The following OAS1 variants were observed in gnomAD, a reference collection of about 807,000 sequenced individuals.
OAS1 encodes the protein 2'-5'-oligoadenylate synthase 1.
In OAS1, 24 loss-of-function variants were observed where a neutral mutation model predicts 38.5. The ratio of observed to expected loss-of-function variants is 0.62; its 90% CI spans 0.45 to 0.88. The LOEUF (loss-of-function observed/expected upper bound fraction) is 0.88. Among genes scored for constraint, OAS1 ranks in the 40% least tolerant of loss-of-function variants. The pLI, the probability that OAS1 is intolerant of heterozygous loss-of-function variation, is 0.00. For missense variants in OAS1, 482 were observed against 493.9 expected (o/e 0.98, Z 0.23); for synonymous variants, 169 against 193.9 (o/e 0.87, Z 1.07).
intron 6 of OAS1, among the ~76,000 whole-genome samples, chr12:112,925,459 G>C (rs2043552803): frequency 6.6e-6 from 1 of 152,168 alleles, no homozygotes. Context: ...CTCAAATCCT[G>C]CTTCTGAATC....
intron 6 of OAS1, among the ~76,000 whole-genome samples, chr12:112,926,828 G>A (rs4766667): frequency 0.74 from 113,209 of 152,170 alleles, 43,415 homozygotes; most frequent in African/African-American, 0.94. Flanking sequence ...AGACCAGGGC[G>A]TGTTTCATCC....
intron 4 of OAS1, 177 bp downstream of exon 4, chr12:112,916,915 C>T (rs377130170): frequency 6.7e-6 from 4 of 598,242 alleles, no homozygotes. Flanking sequence ...ACCTCCAACC[C>T]TGTGAGGCAG....
chr12:112,921,294 A>G (rs2043526931), downstream of OAS1, among the ~76,000 whole-genome samples: 2 of 151,736 alleles, frequency 1.3e-5, no homozygotes, highest in South Asian at 2.1e-4. Flanking sequence ...ATCATCACAC[A>G]CTCCATGCTG....
intron 3 of OAS1, among the ~76,000 whole-genome samples, chr12:112,913,380 C>T (rs1013055131): frequency 3.3e-5 from 5 of 152,180 alleles, no homozygotes; most frequent in African/African-American, 7.2e-5. Flanking sequence ...ATTCCTGAAT[C>T]TGTGGGTAGA....
chr12:112,911,044 C>A lies in OAS1; in HGVS notation c.470-7C>A. 1.2e-6 allele frequency: 2 copies of A among 1,611,074 alleles called. No individual in the cohort carries two copies. Among genetic ancestry groups the A allele is most frequent in the Non-Finnish European group, 1.7e-6 (2 of 1,178,068 alleles). On this transcript the variant is annotated splice_polypyrimidine_tract_variant and splice_region_variant and intron_variant, in intron 2 of 5. Transcript: ENST00000202917. ...TGACACCTAAGTTGTAGATTTTGCC[C>A]GAACAGGTCAGTTGACTGGCGGCTA...
chr12:112,919,948 C>A (rs2043518954), downstream of OAS1: 1 of 472,010 alleles, frequency 2.1e-6, no homozygotes, highest in Admixed American at 3.7e-5. Context: ...CCAAGAAGTA[C>A]AGATGCATAT....
downstream of OAS1, among the ~76,000 whole-genome samples, chr12:112,921,266 A>C (rs2043526820): frequency 6.6e-6 from 1 of 152,220 alleles, no homozygotes; most frequent in Non-Finnish European, 1.5e-5. Context: ...AGCCCAGTCA[A>C]CTTGTCACAT....
At chr12:112,924,978 TA>T (rs2043550023) in intron 6 of OAS1, among the ~76,000 whole-genome samples, 1 of 152,172 alleles carries the variant, frequency 6.6e-6, no homozygotes, top group African/African-American at 2.4e-5. Context: ...AACTATGGTA[TA>T]ACATTGAAGC....
chr12:112,922,914 G>C (rs1448118473), downstream of OAS1, among the ~76,000 whole-genome samples: 1 of 152,134 alleles, frequency 6.6e-6, no homozygotes, highest in Non-Finnish European at 1.5e-5. Context: ...TTTTTTTGTA[G>C]AGATGGGGTC....
At chr12:112,911,870 C>A (rs1037307990) in intron 3 of OAS1, among the ~76,000 whole-genome samples, 2 of 152,160 alleles carry the variant, frequency 1.3e-5, no homozygotes, top group African/African-American at 2.4e-5. Context: ...GGATGTGATA[C>A]AATTTTCTGT....
At position 112,911,188 on chromosome 12, in the gene OAS1, A is replaced by C. The variant is rs745738329; in HGVS notation, c.607A>C (p.Thr203Pro). The C allele has an allele frequency of 3.1e-6, 5 of 1,613,710 alleles. No homozygotes were observed. The African/African-American group carries it at 6.7e-5, about 22-fold the overall frequency. ...GAGAGACTTCCTGAAGCAGCGCCCC[A>C]CCAAGCTCAAGAGCCTCATCCGCCT... Reference protein sequence around the residue: ...LQRDFLKQRPTKLKSLIRLVK... With the variant: ...LQRDFLKQRPPKLKSLIRLVK... The change falls in exon 3 of 6, where the codon ACC becomes CCC. Residue 203 changes from threonine (T) to proline (P), a missense_variant. Transcript: ENST00000202917.
At chr12:112,923,163 A>G (rs1278226130), downstream of OAS1, among the ~76,000 whole-genome samples, 4 of 152,194 alleles carry the variant, frequency 2.6e-5, no homozygotes, top group East Asian at 7.7e-4. Context: ...TTTCCACTTG[A>G]TTATTGTGAA....
chr12:112,917,744 T>A, intron 5 of OAS1, 44 bp downstream of exon 5: 1 of 1,614,106 alleles, frequency 6.2e-7, no homozygotes, highest in Non-Finnish European at 8.5e-7. Flanking sequence ...CCTGCCCCTC[T>A]CCATGAAGCT....
Position 112,919,712 on chromosome 12 carries a change from C to G in OAS1, c.*159C>G, listed in dbSNP as rs1391275135. ...CTCCTGACTCCTGGCCTTCTATGCC[C>G]TCTATCCTATCATAGATAACATTCT... On this transcript the variant is annotated 3_prime_UTR_variant, in exon 6 of 6. Transcript: ENST00000202917. 6.6e-6 allele frequency: 10 copies of G among 1,524,698 alleles called. No individual in the cohort carries two copies. The highest frequency in any genetic ancestry group is 8.8e-6 in the Non-Finnish European group (10 of 1,132,252). The allele number at this position is 1,524,698 out of a possible 1,614,324, so 94.4% of individuals were successfully genotyped here. A position where few individuals can be genotyped will look rare whatever the true frequency, so the allele number is the denominator to read the frequency against.
chr12:112,922,050 A>C (rs1047544685), downstream of OAS1, among the ~76,000 whole-genome samples: 1 of 152,072 alleles, frequency 6.6e-6, no homozygotes, highest in Non-Finnish European at 1.5e-5. Flanking sequence ...ATATGCCCCT[A>C]CTCTGATGGG....
intron 6 of OAS1, among the ~76,000 whole-genome samples, chr12:112,930,241 C>T (rs2043589379): frequency 6.6e-6 from 1 of 152,178 alleles, no homozygotes; most frequent in Non-Finnish European, 1.5e-5. Context: ...AAGCAGACGT[C>T]AGTACCATGC....
At chr12:112,918,279 G>A (rs1041774944) in intron 5 of OAS1, 1 of 185,510 alleles carries the variant, frequency 5.4e-6, no homozygotes, top group African/African-American at 2.4e-5. Context: ...CTGTTTCTGG[G>A]TTAATTCACT....
downstream of OAS1, among the ~76,000 whole-genome samples, chr12:112,920,822 T>G (rs1411415485): frequency 6.6e-6 from 1 of 152,170 alleles, no homozygotes; most frequent in Admixed American, 6.5e-5. Context: ...TCCCCCCACA[T>G]CCCTGTGAGA....
chr12:112,922,775 T>C (rs111490101), downstream of OAS1, among the ~76,000 whole-genome samples: 329 of 152,320 alleles, frequency 2.2e-3, 2 homozygotes, highest in African/African-American at 7.7e-3. Context: ...TTCCATCAGC[T>C]CCACAGCAAT....
Sources: allele counts gnomAD v4.1 joint callset (sites outside exome capture counted in the v4.1 genomes callset), GRCh38; gene constraint gnomAD v4.1.1; transcripts MANE v1.5; gene names NCBI Gene and HGNC (gene_info 2026-07-23, HGNC 2026-07-21).